Variants in HIPK2 observed in about 807,000 individuals in gnomAD.
HIPK2 encodes homeodomain-interacting protein kinase 2.
A neutral mutation model predicts 113.7 loss-of-function variants in HIPK2; 27 were observed. The observed-to-expected ratio is 0.24, with a 90% CI of 0.17 to 0.33. HIPK2 has a LOEUF of 0.33. Ranked by LOEUF, HIPK2 falls within the 10% of genes least tolerant of loss-of-function variation. HIPK2 has a pLI of 1.00. For synonymous variants in HIPK2, 631 were observed against 642.2 expected (o/e 0.98, Z 0.26); for missense variants, 1,257 against 1,588.0 (o/e 0.79, Z 3.54).
chr7:139,776,554 C>T (rs1215779400), intron 1 of HIPK2, among the ~76,000 whole-genome samples: 4 of 152,116 alleles, frequency 2.6e-5, no homozygotes, highest in Non-Finnish European at 4.4e-5. Context: ...GCCACACAAA[C>T]CCTGTCCCCT....
intron 1 of HIPK2, among the ~76,000 whole-genome samples, chr7:139,743,802 AGTTCCAGAGGT>A (rs1165957539): frequency 2.6e-5 from 4 of 152,224 alleles, no homozygotes; most frequent in African/African-American, 9.6e-5. Flanking sequence ...CTGGGCAGTT[AGTTCCAGAGGT>A]CACCTAAAAG....
At chr7:139,763,771 T>G (rs1018994109) in intron 1 of HIPK2, among the ~76,000 whole-genome samples, 2 of 152,354 alleles carry the variant, frequency 1.3e-5, no homozygotes, top group Non-Finnish European at 2.9e-5. Context: ...CTCAGAGCAC[T>G]TTTGGTCATG....
At chr7:139,759,858 AAAC>A (rs1796434582) in intron 1 of HIPK2, among the ~76,000 whole-genome samples, 1 of 152,210 alleles carries the variant, frequency 6.6e-6, no homozygotes, top group African/African-American at 2.4e-5. Flanking sequence ...AAAAGAAAAA[AAAC>A]AAAGTTCACA....
chr7:139,747,907 C>A (rs1796215177), intron 1 of HIPK2, among the ~76,000 whole-genome samples: 3 of 152,218 alleles, frequency 2.0e-5, no homozygotes, highest in Admixed American at 2.0e-4. Flanking sequence ...ATTTCAAGTG[C>A]TTACTGGTCA....
intron 12 of HIPK2, among the ~76,000 whole-genome samples, chr7:139,593,980 C>G (rs866599978): frequency 6.6e-6 from 1 of 152,108 alleles, no homozygotes; most frequent in African/African-American, 2.4e-5. Context: ...ACAAAGCTGA[C>G]CACCCCCATG....
intron 2 of HIPK2, among the ~76,000 whole-genome samples, chr7:139,701,487 T>C (rs1794706386): frequency 1.3e-5 from 2 of 152,222 alleles, no homozygotes; most frequent in Non-Finnish European, 2.9e-5. Context: ...GGCAAAGTCA[T>C]GTCGGAGAGG....
intron 2 of HIPK2, among the ~76,000 whole-genome samples, chr7:139,673,493 A>G (rs952359039): frequency 3.9e-5 from 6 of 152,082 alleles, no homozygotes; most frequent in Non-Finnish European, 5.9e-5. Flanking sequence ...TGTAACACTA[A>G]GTGGGTTGGG....
chr7:139,617,673 G>A (rs1439397906), intron 7 of HIPK2, among the ~76,000 whole-genome samples: 1 of 152,058 alleles, frequency 6.6e-6, no homozygotes, highest in Non-Finnish European at 1.5e-5. Flanking sequence ...AGACTTAACG[G>A]GTTATGAATT....
intron 2 of HIPK2, among the ~76,000 whole-genome samples, chr7:139,648,877 T>G (rs1801347188): frequency 2.0e-5 from 3 of 151,692 alleles, no homozygotes; most frequent in Admixed American, 6.6e-5. Flanking sequence ...TAGGATAAAG[T>G]CATTAGTGAT....
rs6942484 is a variant in HIPK2, at chr7:139,651,032, G to A, written c.1104-19307C>T. Among the ~76,000 whole-genome samples the A allele has an allele frequency of 7.2e-3, 1,099 of 152,328 alleles. 18 individuals are homozygous for A. The highest frequency in any genetic ancestry group is 0.025 in the African/African-American group (1,042 of 41,572). ...CAGCCACGGAATTTTGAGGTACTTC[G>A]TTATGCAGTGACAGATACTGATTGG... On this transcript the variant is annotated intron_variant, in intron 2 of 14. Transcript: ENST00000406875.
intron 7 of HIPK2, among the ~76,000 whole-genome samples, chr7:139,615,677 C>T (rs1800014205): frequency 6.6e-6 from 1 of 152,158 alleles, no homozygotes. Context: ...AGGAAGAAAC[C>T]ACGAAGATAT....
chr7:139,609,103 T>C (rs1799727358), intron 9 of HIPK2, among the ~76,000 whole-genome samples: 1 of 152,228 alleles, frequency 6.6e-6, no homozygotes, highest in Non-Finnish European at 1.5e-5. Flanking sequence ...ATAAATTCAA[T>C]ACTGTCTCAA....
At chr7:139,774,403 C>T (rs1362316764) in intron 1 of HIPK2, among the ~76,000 whole-genome samples, 2 of 152,186 alleles carry the variant, frequency 1.3e-5, no homozygotes, top group Non-Finnish European at 2.9e-5. Flanking sequence ...AATTAAGGCA[C>T]CTTACTCACT....
chr7:139,641,886 G>A (rs1001773472), intron 2 of HIPK2, among the ~76,000 whole-genome samples: 2 of 152,224 alleles, frequency 1.3e-5, no homozygotes, highest in Non-Finnish European at 2.9e-5. Context: ...AGGCGGAGCT[G>A]TGCATTTCTG....
intron 13 of HIPK2, 177 bp from the exon 14 acceptor site, chr7:139,575,465 G>A (rs932411103): frequency 2.5e-5 from 6 of 242,972 alleles, no homozygotes; most frequent in Admixed American, 1.3e-4. Flanking sequence ...TCTGGATGCA[G>A]TGGGGCTCTG....
At chr7:139,712,582 G>A (rs1795103662) in intron 2 of HIPK2, among the ~76,000 whole-genome samples, 1 of 152,242 alleles carries the variant, frequency 6.6e-6, no homozygotes, top group Non-Finnish European at 1.5e-5. Flanking sequence ...GACTCCTCCA[G>A]CCCAGGCGGC....
chr7:139,579,928 C>G (rs1569443522), intron 13 of HIPK2, among the ~76,000 whole-genome samples: 2 of 152,162 alleles, frequency 1.3e-5, no homozygotes, highest in African/African-American at 4.8e-5. Context: ...CTGGCCCTGG[C>G]TGAACAGACC....
In HIPK2 at chr7:139,619,209, G is replaced by A. The variant is rs1800155605; in HGVS notation, c.1782+1192C>T. On this transcript the variant is annotated intron_variant, in intron 7 of 14. Coordinates refer to ENST00000406875, the MANE Select transcript of HIPK2 (RefSeq NM_022740.5). Reference sequence around the variant, plus strand: ...GAAGGGGAGCGGCTGAAAAGCAGGGGGCAGTGACTCTTCAGTGACAGGAGG... The same window carrying A: ...GAAGGGGAGCGGCTGAAAAGCAGGGAGCAGTGACTCTTCAGTGACAGGAGG... Among the ~76,000 whole-genome samples, 5 of 152,228 alleles carry A rather than the reference G, an allele frequency of 3.3e-5. No individual in the cohort carries two copies. The South Asian group carries it at 1.0e-3, about 32-fold the overall frequency.
At chr7:139,583,542 T>C (rs768518883) in intron 13 of HIPK2, 28 of 409,460 alleles carry the variant, frequency 6.8e-5, no homozygotes, top group Non-Finnish European at 1.1e-4. Flanking sequence ...AGGAGGCTTT[T>C]ATTTTCTATT....
Sources: allele counts gnomAD v4.1 joint callset (sites outside exome capture counted in the v4.1 genomes callset), GRCh38; gene constraint gnomAD v4.1.1; transcripts MANE v1.5; gene names NCBI Gene and HGNC (gene_info 2026-07-23, HGNC 2026-07-21).